Variants in CSF1R observed in about 807,000 individuals in gnomAD.
CSF1R encodes the protein colony stimulating factor 1 receptor, also known as macrophage colony-stimulating factor 1 receptor.
A neutral mutation model predicts 110.0 loss-of-function variants in CSF1R; 40 were observed. The observed-to-expected ratio is 0.36, with a 90% CI of 0.28 to 0.47. The LOEUF (loss-of-function observed/expected upper bound fraction) is 0.47, where lower values mean the gene tolerates loss of function less well. Ranked by LOEUF, CSF1R falls within the 20% of genes least tolerant of loss-of-function variation. The pLI is 0.99. For missense variants in CSF1R, 1,052 were observed against 1,253.0 expected (o/e 0.84, Z 2.42); for synonymous variants, 523 against 503.4 (o/e 1.04, Z -0.52).
intron 19 of CSF1R, among the ~76,000 whole-genome samples, chr5:150,054,993 CAAA>C (rs11342950): frequency 5.3e-5 from 4 of 74,776 alleles, no homozygotes; most frequent in South Asian, 1.1e-3. Context: ...GATGCTGTCT[CAAA>C]AAAAAAAAAA....
chr5:150,083,229 C>A (rs146470170), intron 1 of CSF1R, among the ~76,000 whole-genome samples: 60 of 151,628 alleles, frequency 4.0e-4, no homozygotes, highest in African/African-American at 1.4e-3. Flanking sequence ...ATTCTTCCCC[C>A]CTCTCATCTC....
intron 14 of CSF1R, among the ~76,000 whole-genome samples, chr5:150,057,841 C>A (rs1013584249): frequency 1.3e-5 from 2 of 152,212 alleles, no homozygotes; most frequent in African/African-American, 4.8e-5. Flanking sequence ...TAATGCCAAT[C>A]TACCCCTGAG....
At chr5:150,066,845 TC>T (rs1352463289) in intron 10 of CSF1R, among the ~76,000 whole-genome samples, 1 of 151,890 alleles carries the variant, frequency 6.6e-6, no homozygotes, top group East Asian at 1.9e-4. Flanking sequence ...CAGGGTGGGG[TC>T]CAACCCTTCA....
intron 1 of CSF1R, among the ~76,000 whole-genome samples, chr5:150,109,374 A>C (rs919789905): frequency 6.6e-6 from 1 of 152,148 alleles, no homozygotes; most frequent in African/African-American, 2.4e-5. Context: ...GCGGTGAGGG[A>C]AGGCTGGGTT....
At chr5:150,078,901 C>T (rs1581320279) in intron 3 of CSF1R, among the ~76,000 whole-genome samples, 1 of 152,190 alleles carries the variant, frequency 6.6e-6, no homozygotes, top group South Asian at 2.1e-4. Flanking sequence ...CACCTCCATG[C>T]CCGCCACTCC....
At chr5:150,081,852 C>T (rs972999138) in intron 1 of CSF1R, among the ~76,000 whole-genome samples, 1 of 152,228 alleles carries the variant, frequency 6.6e-6, no homozygotes, top group African/African-American at 2.4e-5. Flanking sequence ...AAACCCCTAT[C>T]AGGCTGTCCG....
chr5:150,111,299 G>A (rs887507140), intron 1 of CSF1R, among the ~76,000 whole-genome samples: 1 of 152,094 alleles, frequency 6.6e-6, no homozygotes, highest in Non-Finnish European at 1.5e-5. Context: ...CGGAAGAATT[G>A]TGCAGTCCAA....
intron 1 of CSF1R, among the ~76,000 whole-genome samples, chr5:150,104,254 G>C (rs1759484092): frequency 6.6e-6 from 1 of 152,260 alleles, no homozygotes; most frequent in Non-Finnish European, 1.5e-5. Flanking sequence ...TTTAGGTGGA[G>C]GAGGGGTATA....
intron 1 of CSF1R, among the ~76,000 whole-genome samples, chr5:150,105,382 A>T (rs1252200011): frequency 0.011 from 871 of 82,674 alleles, 12 homozygotes; most frequent in African/African-American, 0.03. Flanking sequence ...ATATATATAT[A>T]TATTTTTTTT....
In CSF1R at chr5:150,080,839, T is replaced by C. The variant is rs1014062385; in HGVS notation, c.235A>G (p.Thr79Ala). 6.2e-7 allele frequency: 1 copy of C among 1,614,006 alleles called. No homozygotes were observed. The highest frequency in any genetic ancestry group is 1.3e-5 in the African/African-American group (1 of 74,980). Residue 79 changes from threonine to alanine, a missense_variant, in exon 2 of 21, where the codon ACG becomes GCG. Physicochemically the swap from Thr to Ala is moderately conservative, Grantham distance 58 (BLOSUM62 0). Coordinates refer to ENST00000675795, the MANE Select transcript of CSF1R (RefSeq NM_001288705.3). ...GGCTCAGTGCAGCGATAGGTCCCCG[T>C]GTTTTGGAAGGTAGCGTTGTTGGTG... is the stretch of plus-strand genomic sequence containing the variant. ...LSTNNATFQN[T>A]GTYRCTEPGD...
At chr5:150,102,478 C>G (rs1311939786) in intron 1 of CSF1R, among the ~76,000 whole-genome samples, 1 of 151,930 alleles carries the variant, frequency 6.6e-6, no homozygotes, top group Non-Finnish European at 1.5e-5. Context: ...ATTCATTGGA[C>G]TATTTATTTC....
At chr5:150,059,969 G>C in intron 13 of CSF1R, 107 bp from the exon 14 acceptor site, 1 of 1,301,154 alleles carries the variant, frequency 7.7e-7, no homozygotes, top group Non-Finnish European at 1.0e-6. Flanking sequence ...ACTCAGCATA[G>C]CTGAGTTCTA....
chr5:150,083,349 A>AACACACACACACAC (rs59055324), intron 1 of CSF1R, among the ~76,000 whole-genome samples: 54 of 106,386 alleles, frequency 5.1e-4, no homozygotes, highest in African/African-American at 1.6e-3. Flanking sequence ...CTTCTCTCCC[A>AACACACACACACAC]ACACACACAC....
At chr5:150,059,984 C>G in intron 13 of CSF1R, 122 bp from the exon 14 acceptor site, 1 of 1,144,944 alleles carries the variant, frequency 8.7e-7, no homozygotes. Context: ...GTTCTAACCT[C>G]GGCTCTGTGA....
At chr5:150,054,605 C>T (rs1446517920) in intron 19 of CSF1R, 175 bp from the exon 20 acceptor site, 2 of 581,152 alleles carry the variant, frequency 3.4e-6, no homozygotes, top group East Asian at 5.8e-5. Context: ...TCACAGTAAC[C>T]CTTGCAGAAG....
intron 1 of CSF1R, among the ~76,000 whole-genome samples, chr5:150,081,767 C>G (rs987532802): frequency 2.0e-5 from 3 of 152,204 alleles, no homozygotes; most frequent in Non-Finnish European, 4.4e-5. Flanking sequence ...CACCCCGGCA[C>G]CCCCACACAT....
At position 150,086,363 on chromosome 5, in the gene CSF1R, C is replaced by G. The variant is rs202034759; in HGVS notation, c.49+16G>C. 6.3e-7 allele frequency: 1 copy of G among 1,598,580 alleles called. No individual in the cohort carries two copies. The highest frequency in any genetic ancestry group is 8.5e-7 in the Non-Finnish European group (1 of 1,172,114). On this transcript the variant is annotated intron_variant, in intron 1 of 20. Transcript: ENST00000675795. ...CACACCCCAACAAAGTCCCCCACCC[C>G]CCGTTCTGCTCTTACCATGCCAAGC... is the stretch of plus-strand genomic sequence containing the variant.
intron 9 of CSF1R, among the ~76,000 whole-genome samples, chr5:150,068,824 C>A (rs979687873): frequency 5.4e-5 from 8 of 149,432 alleles, no homozygotes; most frequent in African/African-American, 1.5e-4. Flanking sequence ...CTTGTGGCCC[C>A]TGAGTCTCCT....
upstream of CSF1R, among the ~76,000 whole-genome samples, chr5:150,089,355 T>C (rs1331507111): frequency 6.6e-6 from 1 of 152,222 alleles, no homozygotes; most frequent in Non-Finnish European, 1.5e-5. Context: ...TTAGAGTTAA[T>C]ATACAAATTC....
Sources: allele counts gnomAD v4.1 joint callset (sites outside exome capture counted in the v4.1 genomes callset), GRCh38; gene constraint gnomAD v4.1.1; transcripts MANE v1.5; gene names NCBI Gene and HGNC (gene_info 2026-07-23, HGNC 2026-07-21).